The following DNAAF8 variants were observed in gnomAD, a reference collection of about 807,000 sequenced individuals.
The protein encoded by DNAAF8 is dynein axonemal-associated protein 1.
In DNAAF8, 61 loss-of-function variants were observed where a neutral mutation model predicts 54.6. That is an observed-to-expected ratio of 1.12 (90% confidence interval 0.91 to 1.38). The LOEUF (loss-of-function observed/expected upper bound fraction) is 1.38, where lower values mean the gene tolerates loss of function less well. DNAAF8 is among the 40% of genes most tolerant of loss of function. The pLI is 0.00. For synonymous variants in DNAAF8, 320 were observed against 270.1 expected (o/e 1.18, Z -1.81); for missense variants, 837 against 665.0 (o/e 1.26, Z -2.85).
intron 9 of DNAAF8, chr16:4,748,139 C>G (rs1377391286): frequency 6.5e-6 from 1 of 153,078 alleles, no homozygotes; most frequent in South Asian, 2.0e-4. Flanking sequence ...CCTACCCACA[C>G]AGATCTAATA....
intron 9 of DNAAF8, chr16:4,748,238 T>G (rs1408229663): frequency 1.8e-5 from 2 of 108,174 alleles, no homozygotes; most frequent in African/African-American, 6.6e-5. Context: ...TTTTTTTTTT[T>G]GTAGAGATGG....
rs776331529 is a variant in DNAAF8 at position 4,746,414 on chromosome 16, C to G, written c.1083C>G (p.Gly361=). 1 of 1,613,034 alleles carries G rather than the reference C, an allele frequency of 6.2e-7. No individual in the cohort carries two copies. Among genetic ancestry groups the G allele is most frequent in the Non-Finnish European group, 8.5e-7 (1 of 1,179,382 alleles). ...SRKQGSQAGP[G]PQLAQGMRLN... ...AGCAGGGCTCCCAGGCTGGGCCAGG[C>G]CCGCAGCTGGCCCAGGGCATGAGGC... is the stretch of plus-strand genomic sequence containing the variant. The change falls in exon 7 of 10, where the codon GGC becomes GGG. Residue 361 remains glycine, a synonymous_variant. Coordinates refer to ENST00000299320, the MANE Select transcript of DNAAF8 (RefSeq NM_139170.3).
chr16:4,745,957 AAAAAAAAAAAAAG>A (rs1382463765), intron 6 of DNAAF8, among the ~76,000 whole-genome samples: 1 of 151,594 alleles, frequency 6.6e-6, no homozygotes, highest in Non-Finnish European at 1.5e-5. Context: ...TGTCTCAAAA[AAAAAAAAAAAAAG>A]AAAAAGAAAA....
intron 3 of DNAAF8, among the ~76,000 whole-genome samples, chr16:4,738,805 C>G (rs775058777): frequency 4.6e-5 from 7 of 152,038 alleles, no homozygotes; most frequent in Non-Finnish European, 1.0e-4. Flanking sequence ...ATCGCTTGGA[C>G]CCGGGGGAGC....
At position 4,736,641 on chromosome 16, in the gene DNAAF8, T is replaced by C. The variant is rs1375548990; in HGVS notation, c.127T>C (p.Leu43=). Reference sequence around the variant, plus strand: ...CCCGTCTCTGGACTCAGACTCCCCTTTGGTAAGCAAGAACTCTCTCCCTGG... The same window carrying C: ...CCCGTCTCTGGACTCAGACTCCCCTCTGGTAAGCAAGAACTCTCTCCCTGG... The part of the protein sequence containing the change: ...QLPSLDSDSP[L]SDYGEEELFI... The change falls in exon 2 of 10, where the codon TTG becomes CTG. Residue 43 remains leucine, a splice_region_variant and synonymous_variant. Coordinates refer to ENST00000299320, the MANE Select transcript of DNAAF8 (RefSeq NM_139170.3). The C allele has an allele frequency of 1.3e-6, 2 of 1,563,422 alleles. No individual in the cohort carries two copies. The highest frequency in any genetic ancestry group is 1.7e-6 in the Non-Finnish European group (2 of 1,153,360).
chr16:4,744,800 G>A (rs2081992408), intron 5 of DNAAF8, 70 bp from the exon 6 acceptor site: 10 of 1,530,524 alleles, frequency 6.5e-6, no homozygotes, highest in Non-Finnish European at 8.9e-6. Flanking sequence ...GGGGTCCTGA[G>A]GCTCCAGCTG....
chr16:4,747,348 G>A lies in DNAAF8; in HGVS notation c.1286G>A (p.Cys429Tyr), dbSNP rs1339002519. 1.3e-6 allele frequency: 2 copies of A among 1,578,822 alleles called. No homozygotes were observed. Among genetic ancestry groups the A allele is most frequent in the Non-Finnish European group, 8.6e-7 (1 of 1,160,512 alleles). ...TTGGTCTCATTGTGTCACAGGACCT[G>A]TACCGGGAAAAGCCAGCTTCTCCAG... is the stretch of plus-strand genomic sequence containing the variant. ...ASPSSLGLRT[C>Y]TGKSQLLQQL... The change falls in exon 9 of 10, where the codon TGT becomes TAT. Residue 429 changes from cysteine (C) to tyrosine (Y), a missense_variant. Physicochemically the swap from Cys to Tyr is radical, Grantham distance 194. Transcript: ENST00000299320.
intron 5 of DNAAF8, among the ~76,000 whole-genome samples, chr16:4,744,087 G>A (rs557401051): frequency 1.3e-5 from 2 of 151,818 alleles, no homozygotes; most frequent in African/African-American, 2.4e-5. Context: ...GTGCCACCAC[G>A]CCTGGCTAAT....
chr16:4,747,741 G>C, intron 9 of DNAAF8, 107 bp downstream of exon 9: 1 of 1,338,130 alleles, frequency 7.5e-7, no homozygotes, highest in South Asian at 1.5e-5. Flanking sequence ...GCATTCCAGA[G>C]GCAGGGACCC....
chr16:4,745,820 G>C (rs1488699142), intron 6 of DNAAF8, among the ~76,000 whole-genome samples: 1 of 152,076 alleles, frequency 6.6e-6, no homozygotes, highest in Non-Finnish European at 1.5e-5. Context: ...AGGCATGTTG[G>C]TGCATGCCTG....
chr16:4,749,024 C>T lies in DNAAF8; in HGVS notation c.*309C>T, dbSNP rs2082052963. 1 of 152,346 alleles carries T rather than the reference C, an allele frequency of 6.6e-6. No homozygotes were observed. Among genetic ancestry groups the T allele is most frequent in the Non-Finnish European group, 1.5e-5 (1 of 68,124 alleles). The allele number at this position is 152,346 out of a possible 1,614,324, so 9.4% of individuals were successfully genotyped here. A position where few individuals can be genotyped will look rare whatever the true frequency, so the allele number is the denominator to read the frequency against. On this transcript the variant is annotated 3_prime_UTR_variant, in exon 10 of 10. Coordinates refer to ENST00000299320, the MANE Select transcript of DNAAF8 (RefSeq NM_139170.3). ...GTGATCTGGCCACTGGGGACCCCCA[C>T]CCGACCCCACTCCCAATGATGAGGG...
chr16:4,743,270 C>G, intron 5 of DNAAF8, 110 bp downstream of exon 5: 1 of 726,748 alleles, frequency 1.4e-6, no homozygotes, highest in South Asian at 1.9e-5. Flanking sequence ...GCAGCCCACA[C>G]AAGTCTTCCC....
At chr16:4,735,104 C>T (rs1173953968) in intron 1 of DNAAF8, 1 of 152,352 alleles carries the variant, frequency 6.6e-6, no homozygotes, top group Admixed American at 6.5e-5. Flanking sequence ...ACACTTTCTT[C>T]CCTTAAACCT....
At position 4,747,622 on chromosome 16, in the gene DNAAF8, A is replaced by G. The variant is rs780448390; in HGVS notation, c.1560A>G (p.Leu520=). The G allele has an allele frequency of 6.8e-5, 109 of 1,602,414 alleles. No homozygotes were observed. Among genetic ancestry groups the G allele is most frequent in the Non-Finnish European group, 9.2e-5 (108 of 1,173,456 alleles). Residue 520 remains leucine, a synonymous_variant, in exon 9 of 10, where the codon CTA becomes CTG. Coordinates refer to ENST00000299320, the MANE Select transcript of DNAAF8 (RefSeq NM_139170.3). ...REALMPPLEQ[L] ...CCCTGATGCCTCCTCTGGAGCAACT[A>G]TAGCTGCCTCAGGTAGTGGGATCCC...
rs1156501238 is a variant in DNAAF8, at chr16:4,749,327, C to A, written c.*612C>A. 1 of 154,416 alleles carries A rather than the reference C, an allele frequency of 6.5e-6. No homozygotes were observed. The highest frequency in any genetic ancestry group is 1.5e-5 in the Non-Finnish European group (1 of 68,232). The allele number at this position is 154,416 out of a possible 1,614,324, so 9.6% of individuals were successfully genotyped here. ...CCCCATTTTCTTCCATTTCTCCCAC[C>A]TTTTTAATGCCAGTAACCTCACTGA... On this transcript the variant is annotated 3_prime_UTR_variant, in exon 10 of 10. Coordinates refer to ENST00000299320, the MANE Select transcript of DNAAF8 (RefSeq NM_139170.3).
At chr16:4,737,327 C>A (rs756403658) in intron 2 of DNAAF8, among the ~76,000 whole-genome samples, 1 of 152,178 alleles carries the variant, frequency 6.6e-6, no homozygotes, top group African/African-American at 2.4e-5. Context: ...GGGGACCCCA[C>A]GCCTCAGTGC....
At chr16:4,748,305 C>A (rs1235228091) in intron 9 of DNAAF8, 1 of 150,890 alleles carries the variant, frequency 6.6e-6, no homozygotes, top group African/African-American at 2.4e-5. Context: ...CCTGCCTAGG[C>A]CTTCCACAGT....
At chr16:4,741,142 G>A (rs1402750965) in intron 4 of DNAAF8, among the ~76,000 whole-genome samples, 1 of 151,174 alleles carries the variant, frequency 6.6e-6, no homozygotes, top group South Asian at 2.1e-4. Flanking sequence ...GCTGAGGCAG[G>A]AGAATGGCGT....
In DNAAF8 at chr16:4,743,084, G is replaced by T; in HGVS notation, c.825G>T (p.Leu275=). 1 of 1,612,456 alleles carries T rather than the reference G, an allele frequency of 6.2e-7. No individual in the cohort carries two copies. The part of the protein sequence containing the change: ...AWDLDDILQS[L]AGQEDNQGNR... ...ATTTGGATGACATCCTTCAGAGTCT[G>T]GCGGGACAAGAAGACAACCAGGGAA... Residue 275 remains leucine (L), a synonymous_variant, in exon 5 of 10, where the codon CTG becomes CTT. Transcript: ENST00000299320.
Sources: gnomAD v4.1 joint callset for allele counts (sites outside exome capture counted in the v4.1 genomes callset) on GRCh38, gnomAD v4.1.1 for gene constraint, MANE v1.5 for transcripts, NCBI Gene and HGNC (gene_info 2026-07-23, HGNC 2026-07-21) for gene names.